CAMK2G: variants seen among roughly 807,000 people sequenced by gnomAD.
CAMK2G encodes the protein calcium/calmodulin dependent protein kinase II gamma.
A neutral mutation model predicts 88.7 loss-of-function variants in CAMK2G; 23 were observed. The ratio of observed to expected loss-of-function variants is 0.26; its 90% confidence interval spans 0.19 to 0.37. The LOEUF is 0.37. Ranked by LOEUF, CAMK2G falls within the 10% of genes least tolerant of loss-of-function variation. The probability of loss-of-function intolerance (pLI) is 1.00; values close to 1 mark genes in which losing one functional copy is unlikely to be tolerated. For missense variants in CAMK2G, 476 were observed against 780.8 expected (o/e 0.61, Z 4.65); for synonymous variants, 263 against 294.8 (o/e 0.89, Z 1.11).
chr10:73,860,016 G>A (rs2095299182), intron 3 of CAMK2G, among the ~76,000 whole-genome samples: 1 of 152,224 alleles, frequency 6.6e-6, no homozygotes, highest in East Asian at 1.9e-4. Flanking sequence ...ATGACTCAGG[G>A]CTTTCAGGGA....
chr10:73,868,261 A>G (rs1248065009), intron 2 of CAMK2G, among the ~76,000 whole-genome samples: 2 of 152,196 alleles, frequency 1.3e-5, no homozygotes, highest in Non-Finnish European at 2.9e-5. Context: ...AAGGGACCAG[A>G]GGAAGCAGCA....
chr10:73,815,370 C>CCA (rs1554985698), intron 21 of CAMK2G, 123 bp from the exon 22 acceptor site: 1 of 570,218 alleles, frequency 1.8e-6, no homozygotes, highest in African/African-American at 4.3e-5. Context: ...CCAAGTACCG[C>CCA]CCCCCCCCAC....
At chr10:73,871,620 T>TC (rs1413275127) in intron 2 of CAMK2G, among the ~76,000 whole-genome samples, 3 of 151,376 alleles carry the variant, frequency 2.0e-5, no homozygotes, top group East Asian at 1.9e-4. Context: ...GCCCCTGTTG[T>TC]CCCCCCCACC....
At chr10:73,856,984 A>G (rs539248094) in intron 3 of CAMK2G, among the ~76,000 whole-genome samples, 1 of 152,356 alleles carries the variant, frequency 6.6e-6, no homozygotes, top group African/African-American at 2.4e-5. Flanking sequence ...ATCTGCAGCA[A>G]TAACACAGTG....
At chr10:73,833,435 A>T (rs1279492454) in intron 14 of CAMK2G, among the ~76,000 whole-genome samples, 2 of 152,146 alleles carry the variant, frequency 1.3e-5, no homozygotes, top group Non-Finnish European at 1.5e-5. Context: ...AGAAAGGACC[A>T]TTCTGGTTTT....
In CAMK2G at chr10:73,874,484, C is replaced by A. The variant is rs112018772; in HGVS notation, c.-23G>T. 1.4e-6 allele frequency: 2 copies of A among 1,462,578 alleles called. No homozygotes were observed. The highest frequency in any genetic ancestry group is 9.1e-7 in the Non-Finnish European group (1 of 1,094,980). The allele number at this position is 1,462,578 out of a possible 1,614,324, so 90.6% of individuals were successfully genotyped here. ...CATGCTGGCGGGCGGGCGGACGCGG[C>A]GGTGCAGCCCGCGCCGACGTCGGTG... On this transcript the variant is annotated 5_prime_UTR_variant, in exon 1 of 23. Transcript: ENST00000423381.
intron 4 of CAMK2G, 95 bp from the exon 5 acceptor site, chr10:73,852,414 T>C (rs151236126): frequency 3.1e-4 from 305 of 990,532 alleles, no homozygotes; most frequent in Admixed American, 6.1e-4. Context: ...GTAGAATGGC[T>C]TTCAGAGAAA....
Position 73,860,815 on chromosome 10 carries a change from T to C in CAMK2G, c.220+15A>G, listed in dbSNP as rs376907087. 66 of 1,601,846 alleles carry C rather than the reference T, an allele frequency of 4.1e-5. No individual in the cohort carries two copies. The highest frequency in any genetic ancestry group is 5.1e-5 in the Non-Finnish European group (60 of 1,169,054). Reference sequence around the variant, plus strand: ...TACAAAATACCCACAAAATGCTCCATGCCCAGGCACTCACCGATGTTTGGA... The same window carrying C: ...TACAAAATACCCACAAAATGCTCCACGCCCAGGCACTCACCGATGTTTGGA... On this transcript the variant is annotated intron_variant, in intron 3 of 22. Coordinates refer to ENST00000423381, the MANE Select transcript of CAMK2G (RefSeq NM_001367534.1).
rs556044604 is a variant in CAMK2G, at chr10:73,817,415, T to C, written c.1439+64A>G. ...CCTTTCCCCAGGGTCCTAATTGTTGTCTGGAAGCAGGGAAGGCCTTGGGAG... is the reference window on the plus strand; with the variant it reads ...CCTTTCCCCAGGGTCCTAATTGTTGCCTGGAAGCAGGGAAGGCCTTGGGAG... On this transcript the variant is annotated intron_variant, in intron 20 of 22. Transcript: ENST00000423381. The C allele has an allele frequency of 1.5e-5, 18 of 1,165,306 alleles. No individual in the cohort carries two copies. The East Asian group carries it at 4.0e-4, about 26-fold the overall frequency. The allele number at this position is 1,165,306 out of a possible 1,614,324, so 72.2% of individuals were successfully genotyped here. A position where few individuals can be genotyped will look rare whatever the true frequency, so the allele number is the denominator to read the frequency against.
At chr10:73,857,734 G>T (rs2095144162) in intron 3 of CAMK2G, among the ~76,000 whole-genome samples, 2 of 152,116 alleles carry the variant, frequency 1.3e-5, no homozygotes, top group Admixed American at 1.3e-4. Flanking sequence ...AGGTAGAACG[G>T]ACTTCATTCA....
At chr10:73,841,370 G>A (rs1004305413) in intron 12 of CAMK2G, among the ~76,000 whole-genome samples, 7 of 152,252 alleles carry the variant, frequency 4.6e-5, no homozygotes, top group East Asian at 1.9e-4. Flanking sequence ...AGGGAGGACC[G>A]GGGGAGATGG....
At chr10:73,836,990 T>C (rs1431168288) in intron 14 of CAMK2G, 2 of 169,124 alleles carry the variant, frequency 1.2e-5, no homozygotes, top group Non-Finnish European at 2.6e-5. Flanking sequence ...TTGCACTCAG[T>C]GGGATCTGAA....
At chr10:73,850,517 G>C (rs1280593108) in intron 5 of CAMK2G, among the ~76,000 whole-genome samples, 3 of 152,198 alleles carry the variant, frequency 2.0e-5, no homozygotes, top group African/African-American at 7.2e-5. Context: ...GGTGGGCAGA[G>C]GCCAAGGATG....
chr10:73,864,398 A>G (rs938086361), intron 2 of CAMK2G, among the ~76,000 whole-genome samples: 1 of 152,206 alleles, frequency 6.6e-6, no homozygotes, highest in Admixed American at 6.5e-5. Flanking sequence ...CCCTGCCCTC[A>G]TGGAGCTGAC....
At chr10:73,841,901 G>C (rs954255769) in intron 12 of CAMK2G, 6 of 477,702 alleles carry the variant, frequency 1.3e-5, no homozygotes, top group African/African-American at 1.2e-4. Flanking sequence ...AGTTAAATAA[G>C]AATCCAGAGA....
At chr10:73,815,378 C>CA (rs1554985699) in intron 21 of CAMK2G, 131 bp from the exon 22 acceptor site, 25 of 645,758 alleles carry the variant, frequency 3.9e-5, no homozygotes, top group African/African-American at 3.0e-4. Flanking sequence ...CGCCCCCCCC[C>CA]ACCCCCGAAC....
chr10:73,837,204 G>C (rs2093333754), intron 14 of CAMK2G: 2 of 490,204 alleles, frequency 4.1e-6, no homozygotes, highest in African/African-American at 3.8e-5. Flanking sequence ...GTAGAAGTCA[G>C]GTTCCGGATT....
intron 15 of CAMK2G, among the ~76,000 whole-genome samples, chr10:73,826,451 GAACA>G (rs2090979966): frequency 6.6e-6 from 1 of 151,826 alleles, no homozygotes; most frequent in Non-Finnish European, 1.5e-5. Flanking sequence ...AAAAGCAAAC[GAACA>G]AACAAAAACA....
At position 73,814,724 on chromosome 10, in the gene CAMK2G, G is replaced by A. The variant is rs77733275; in HGVS notation, c.*13-219C>T. The A allele has an allele frequency of 8.7e-3, 3,717 of 427,186 alleles. 32 individuals carry two copies. Among genetic ancestry groups the A allele is most frequent in the Non-Finnish European group, 0.014 (3,204 of 232,458 alleles). 26.5% of individuals were successfully genotyped at this position (427,186 alleles called of 1,614,324 possible). ...TACTTAATCCTCACAATGATTAAAT[G>A]AGGTAGGCACCACTCTCTGCCTTTC... On this transcript the variant is annotated intron_variant, in intron 22 of 22. Transcript: ENST00000423381.
Sources: gnomAD v4.1 joint callset for allele counts (sites outside exome capture counted in the v4.1 genomes callset) on GRCh38, gnomAD v4.1.1 for gene constraint, MANE v1.5 for transcripts, NCBI Gene and HGNC (gene_info 2026-07-23, HGNC 2026-07-21) for gene names.